The following CSMD1 variants were observed in gnomAD, a reference collection of about 807,000 sequenced individuals.
CSMD1 encodes the protein CUB and Sushi multiple domains 1, also known as CUB and sushi domain-containing protein 1.
In CSMD1, 213 loss-of-function variants were observed where a neutral mutation model predicts 417.5. The ratio of observed to expected loss-of-function variants is 0.51; its 90% CI spans 0.46 to 0.57. The LOEUF (loss-of-function observed/expected upper bound fraction) is 0.57. Ranked by LOEUF, CSMD1 falls within the 20% of genes least tolerant of loss-of-function variation. The pLI, the probability that CSMD1 is intolerant of heterozygous loss-of-function variation, is 0.00. For synonymous variants in CSMD1, 2,862 were observed against 1,736.8 expected (o/e 1.65, Z -16.11); for missense variants, 6,923 against 4,529.7 (o/e 1.53, Z -15.17).
intron 17 of CSMD1, among the ~76,000 whole-genome samples, chr8:3,391,338 T>G (rs548666542): frequency 6.6e-6 from 1 of 152,316 alleles, no homozygotes; most frequent in East Asian, 1.9e-4. Flanking sequence ...CAAGATACTT[T>G]TGACAGCATT....
chr8:4,634,073 G>C lies in CSMD1; in HGVS notation c.302+3269C>G, dbSNP rs563405579. 1.7e-3 allele frequency among the ~76,000 whole-genome samples: 260 copies of C among 150,618 alleles called. 1 individual carries two copies. In the Middle Eastern group the frequency reaches 0.021, roughly 12 times the overall value. ...TCAGATTTTTCATTTTGAATTTTGA[G>C]TCCAAATTTCTTCCCTGTGCTTACC... On this transcript the variant is annotated intron_variant, in intron 2 of 69. Transcript: ENST00000635120.
rs966843834 is a variant in CSMD1, at chr8:3,923,797, C to A, written c.818+74106G>T. Among the ~76,000 whole-genome samples the A allele has an allele frequency of 4.6e-5, 7 of 152,124 alleles. No homozygotes were observed. In the South Asian group the frequency reaches 1.0e-3, roughly 23 times the overall value. On this transcript the variant is annotated intron_variant, in intron 5 of 69. Coordinates refer to ENST00000635120, the MANE Select transcript of CSMD1 (RefSeq NM_033225.6). ...ACCTTTTCACCAAGCTCATAGTTAC[C>A]ACTGTTCTACTCCCTGCGTCTGAGT...
chr8:4,689,821 G>A (rs1806649142), intron 1 of CSMD1, among the ~76,000 whole-genome samples: 1 of 152,114 alleles, frequency 6.6e-6, no homozygotes, highest in South Asian at 2.1e-4. Flanking sequence ...GGTCACAAAA[G>A]TCCCTTTCTG....
intron 2 of CSMD1, among the ~76,000 whole-genome samples, chr8:4,567,340 C>G (rs1486246251): frequency 6.6e-6 from 1 of 152,076 alleles, no homozygotes; most frequent in Non-Finnish European, 1.5e-5. Flanking sequence ...CAAACAAGAA[C>G]AAGTGAAACA....
intron 3 of CSMD1, among the ~76,000 whole-genome samples, chr8:4,163,686 T>A (rs1164179337): frequency 6.6e-6 from 1 of 152,122 alleles, no homozygotes; most frequent in African/African-American, 2.4e-5. Flanking sequence ...AGAAGTAACA[T>A]ATAAATAATA....
chr8:4,426,301 T>G (rs1461539243), intron 2 of CSMD1, among the ~76,000 whole-genome samples: 1 of 151,508 alleles, frequency 6.6e-6, no homozygotes, highest in Admixed American at 6.6e-5. Context: ...CCAAAATTTG[T>G]TGTAGATATA....
At chr8:4,136,598 C>G (rs193248344) in intron 3 of CSMD1, among the ~76,000 whole-genome samples, 3 of 152,146 alleles carry the variant, frequency 2.0e-5, no homozygotes, top group African/African-American at 4.8e-5. Flanking sequence ...CCAATTCCAG[C>G]CAGCAAGAGA....
rs1051776315 is a variant in CSMD1, at chr8:3,289,546, T to C, written c.3951-5200A>G. On this transcript the variant is annotated intron_variant, in intron 25 of 69. Transcript: ENST00000635120. ...ACTGGTGTGAGATGGTATCTCATTG[T>C]GGTTTTGATTTGCATTTCTCTGATG... 5.6e-5 allele frequency among the ~76,000 whole-genome samples: 8 copies of C among 144,008 alleles called. 1 individual carries two copies. Among genetic ancestry groups the C allele is most frequent in the African/African-American group, 2.3e-4 (8 of 35,418 alleles). The allele number at this position is 144,008 out of a possible 152,430, so 94.5% of individuals were successfully genotyped here. A position where few individuals can be genotyped will look rare whatever the true frequency, so the allele number is the denominator to read the frequency against.
At chr8:3,335,266 C>G (rs1461088986) in intron 23 of CSMD1, among the ~76,000 whole-genome samples, 1 of 152,338 alleles carries the variant, frequency 6.6e-6, no homozygotes, top group South Asian at 2.1e-4. Context: ...GTTCCAACCT[C>G]TCAGTCACTG....
intron 43 of CSMD1, among the ~76,000 whole-genome samples, chr8:3,109,944 C>A (rs1489723923): frequency 6.6e-6 from 1 of 152,048 alleles, no homozygotes; most frequent in Non-Finnish European, 1.5e-5. Flanking sequence ...TGCAGACACA[C>A]AGACATAATT....
At chr8:3,476,129 G>A (rs1585220504) in intron 11 of CSMD1, among the ~76,000 whole-genome samples, 1 of 152,146 alleles carries the variant, frequency 6.6e-6, no homozygotes, top group African/African-American at 2.4e-5. Flanking sequence ...GACTATTTGA[G>A]TCCAGGAGTT....
intron 3 of CSMD1, among the ~76,000 whole-genome samples, chr8:4,392,330 G>C (rs1037257443): frequency 6.6e-6 from 1 of 152,150 alleles, no homozygotes; most frequent in Non-Finnish European, 1.5e-5. Flanking sequence ...GGGGACCACG[G>C]ATATGTAGGG....
chr8:3,487,838 A>C (rs1240221268), intron 11 of CSMD1, among the ~76,000 whole-genome samples: 1 of 152,166 alleles, frequency 6.6e-6, no homozygotes, highest in Non-Finnish European at 1.5e-5. Flanking sequence ...AAAATCCTCA[A>C]GGCATTGCTG....
chr8:4,994,628 C>T lies in CSMD1; in HGVS notation c.-212G>A, dbSNP rs1811660343. ...GGTCCCGAGCCACTGCAGGGCTGAG[C>T]TGCTCCGAGCGCGGAGACCCGGGCT... On this transcript the variant is annotated 5_prime_UTR_variant, in exon 1 of 70. Coordinates refer to ENST00000635120, the MANE Select transcript of CSMD1 (RefSeq NM_033225.6). 1 of 485,206 alleles carries T rather than the reference C, an allele frequency of 2.1e-6. No individual in the cohort carries two copies. The highest frequency in any genetic ancestry group is 3.7e-6 in the Non-Finnish European group (1 of 273,602). The allele number at this position is 485,206 out of a possible 1,614,324, so 30.1% of individuals were successfully genotyped here. A position where few individuals can be genotyped will look rare whatever the true frequency, so the allele number is the denominator to read the frequency against.
intron 53 of CSMD1, 52 bp from the exon 54 acceptor site, chr8:2,998,236 T>G: frequency 6.4e-7 from 1 of 1,568,338 alleles, no homozygotes; most frequent in African/African-American, 1.3e-5. Flanking sequence ...GGTCATCACT[T>G]TCCCTTGGGA....
chr8:4,837,630 C>A (rs190739120), intron 1 of CSMD1, among the ~76,000 whole-genome samples: 6 of 152,050 alleles, frequency 3.9e-5, no homozygotes, highest in African/African-American at 1.4e-4. Context: ...TAGGGAGTTG[C>A]TGGGGAGGTA....
At chr8:4,506,857 C>T (rs992420623) in intron 2 of CSMD1, among the ~76,000 whole-genome samples, 1 of 152,094 alleles carries the variant, frequency 6.6e-6, no homozygotes, top group African/African-American at 2.4e-5. Flanking sequence ...TATATTTGTA[C>T]GATTGATAAG....
chr8:3,734,646 G>T (rs185438471), intron 6 of CSMD1, among the ~76,000 whole-genome samples: 3 of 152,300 alleles, frequency 2.0e-5, no homozygotes, highest in East Asian at 3.9e-4. Flanking sequence ...GGGAGGCGGA[G>T]GTCGCAGTGA....
intron 10 of CSMD1, among the ~76,000 whole-genome samples, chr8:3,514,224 A>T (rs1585285107): frequency 1.3e-5 from 2 of 152,106 alleles, no homozygotes; most frequent in South Asian, 4.2e-4. Flanking sequence ...ACTAAATAAG[A>T]CCGGCTTTCT....
Sources: gnomAD v4.1 joint callset for allele counts (sites outside exome capture counted in the v4.1 genomes callset) on GRCh38, gnomAD v4.1.1 for gene constraint, MANE v1.5 for transcripts, NCBI Gene and HGNC (gene_info 2026-07-23, HGNC 2026-07-21) for gene names.